Variants in ST6GAL1 observed in about 807,000 individuals in gnomAD.
The protein encoded by ST6GAL1 is ST6 beta-galactoside alpha-2,6-sialyltransferase 1.
In ST6GAL1, 20 loss-of-function variants were observed where a neutral mutation model predicts 38.0. That is an observed-to-expected ratio of 0.53 (90% CI 0.37 to 0.77). The LOEUF is 0.77. Among genes scored for constraint, ST6GAL1 ranks in the 30% least tolerant of loss-of-function variants. The pLI is 0.00. For synonymous variants in ST6GAL1, 196 were observed against 188.2 expected (o/e 1.04, Z -0.34); for missense variants, 432 against 496.4 (o/e 0.87, Z 1.23).
At chr3:187,071,795 A>AG (rs1719388845) in intron 5 of ST6GAL1, among the ~76,000 whole-genome samples, 3 of 144,716 alleles carry the variant, frequency 2.1e-5, no homozygotes, top group African/African-American at 7.6e-5. Context: ...AAAAAAAAAA[A>AG]GAAAAAGAAA....
At chr3:187,000,993 G>A (rs946750431) in intron 2 of ST6GAL1, among the ~76,000 whole-genome samples, 3 of 152,218 alleles carry the variant, frequency 2.0e-5, no homozygotes, top group African/African-American at 7.2e-5. Context: ...ACTGACCAGA[G>A]TGTCAGGTGA....
chr3:187,008,910 T>G (rs1716869098), intron 2 of ST6GAL1, among the ~76,000 whole-genome samples: 1 of 152,190 alleles, frequency 6.6e-6, no homozygotes, highest in Admixed American at 6.5e-5. Context: ...ATTTAAATAT[T>G]CCTTTTTGTT....
chr3:187,048,309 T>C (rs9876699), intron 4 of ST6GAL1, among the ~76,000 whole-genome samples: 94,877 of 151,956 alleles, frequency 0.62, 30,211 homozygotes, highest in African/African-American at 0.74. Flanking sequence ...GTGTATGATC[T>C]GGTTCCTGCC....
chr3:186,948,226 C>T (rs1412637938), intron 1 of ST6GAL1, among the ~76,000 whole-genome samples: 3 of 152,172 alleles, frequency 2.0e-5, no homozygotes, highest in Admixed American at 6.5e-5. Flanking sequence ...GGAGCTGCCA[C>T]GCCGGCAGGC....
chr3:187,058,747 T>C (rs1487302935), intron 5 of ST6GAL1, among the ~76,000 whole-genome samples: 1 of 151,936 alleles, frequency 6.6e-6, no homozygotes. Flanking sequence ...GTTCAAGCGA[T>C]CCTCTTGCCT....
intron 1 of ST6GAL1, among the ~76,000 whole-genome samples, chr3:186,938,642 G>A (rs369905328): frequency 9.2e-5 from 14 of 152,224 alleles, no homozygotes; most frequent in African/African-American, 3.4e-4. Flanking sequence ...CAAGTGACAA[G>A]TTGAGAGAGA....
chr3:187,041,249 A>C (rs1718115003), intron 3 of ST6GAL1, among the ~76,000 whole-genome samples: 1 of 152,212 alleles, frequency 6.6e-6, no homozygotes. Context: ...GGTCACCAAG[A>C]ATGGGGATAA....
chr3:186,934,928 G>C (rs60529826), intron 1 of ST6GAL1, among the ~76,000 whole-genome samples: 1 of 151,820 alleles, frequency 6.6e-6, no homozygotes, highest in Non-Finnish European at 1.5e-5. Flanking sequence ...CACCACGCCC[G>C]GCTAATTTTT....
At chr3:186,957,946 G>A (rs1369591163) in intron 1 of ST6GAL1, among the ~76,000 whole-genome samples, 1 of 151,720 alleles carries the variant, frequency 6.6e-6, no homozygotes, top group African/African-American at 2.4e-5. Context: ...TCCAAAACTA[G>A]ACAGTAAACT....
chr3:187,023,817 T>A (rs1717417299), intron 2 of ST6GAL1, among the ~76,000 whole-genome samples: 2 of 151,236 alleles, frequency 1.3e-5, no homozygotes, highest in South Asian at 4.2e-4. Context: ...CACACCAACA[T>A]GGCACATGTA....
In ST6GAL1 at chr3:187,078,161, GT is replaced by G. The variant is rs1180153188; in HGVS notation, c.*2363del. 1 of 152,532 alleles carries G rather than the reference GT, an allele frequency of 6.6e-6. No homozygotes were observed. Among genetic ancestry groups the G allele is most frequent in the East Asian group, 1.9e-4 (1 of 5,196 alleles). 9.4% of individuals were successfully genotyped at this position (152,532 alleles called of 1,614,324 possible). A position where few individuals can be genotyped will look rare whatever the true frequency, so the allele number is the denominator to read the frequency against. On this transcript the variant is annotated 3_prime_UTR_variant, in exon 8 of 8. Transcript: ENST00000169298. ...CTGGGACGACACTGGGTAGAATCTAGTTTTTAATTATTATTAATATAAAGGA... is the reference window on the plus strand; with the variant it reads ...CTGGGACGACACTGGGTAGAATCTAGTTTTAATTATTATTAATATAAAGGA...
intron 5 of ST6GAL1, among the ~76,000 whole-genome samples, chr3:187,057,459 T>G (rs1718746916): frequency 6.6e-6 from 1 of 152,192 alleles, no homozygotes; most frequent in South Asian, 2.1e-4. Flanking sequence ...CCTTTGGTTT[T>G]TGATGATGGT....
chr3:186,984,978 G>A (rs933123470), intron 2 of ST6GAL1, among the ~76,000 whole-genome samples: 4 of 151,096 alleles, frequency 2.6e-5, no homozygotes, highest in African/African-American at 7.3e-5. Flanking sequence ...GCACGTTCTC[G>A]GCTCACTGCA....
intron 5 of ST6GAL1, among the ~76,000 whole-genome samples, chr3:187,055,563 C>A (rs1356224637): frequency 6.6e-6 from 1 of 151,978 alleles, no homozygotes; most frequent in Non-Finnish European, 1.5e-5. Context: ...TTCGTTATGT[C>A]CCCAGTAGTC....
At chr3:186,976,366 T>G (rs1278134721) in intron 2 of ST6GAL1, among the ~76,000 whole-genome samples, 1 of 152,234 alleles carries the variant, frequency 6.6e-6, no homozygotes, top group Non-Finnish European at 1.5e-5. Flanking sequence ...TGAAGTCCAT[T>G]TACTGAGTGC....
intron 2 of ST6GAL1, among the ~76,000 whole-genome samples, chr3:186,993,698 G>A (rs1048748767): frequency 6.6e-5 from 10 of 151,962 alleles, no homozygotes; most frequent in African/African-American, 2.4e-4. Context: ...AAAGAAAAGG[G>A]TGGGCCTGGG....
chr3:187,041,621 G>A (rs560746328), intron 3 of ST6GAL1, among the ~76,000 whole-genome samples: 36 of 152,308 alleles, frequency 2.4e-4, no homozygotes, highest in African/African-American at 8.2e-4. Flanking sequence ...GTACTGGAAA[G>A]GACATGGGTT....
intron 1 of ST6GAL1, among the ~76,000 whole-genome samples, chr3:186,955,290 C>T (rs2108522923): frequency 6.6e-6 from 1 of 152,174 alleles, no homozygotes; most frequent in Middle Eastern, 3.4e-3. Context: ...GTTCTTTTTG[C>T]TTAGGATTGT....
chr3:186,978,905 GCTCTGCTTGGTGAACTCCTGTTCAAA>G (rs1172321455), intron 2 of ST6GAL1, among the ~76,000 whole-genome samples: 1 of 151,648 alleles, frequency 6.6e-6, no homozygotes, highest in Non-Finnish European at 1.5e-5. Flanking sequence ...GGCATGCCTT[GCTCTGCTTGGTGAACTCCTGTTCAAA>G]CTTCAAAACC....
Sources: gnomAD v4.1 joint callset for allele counts (sites outside exome capture counted in the v4.1 genomes callset) on GRCh38, gnomAD v4.1.1 for gene constraint, MANE v1.5 for transcripts, NCBI Gene and HGNC (gene_info 2026-07-23, HGNC 2026-07-21) for gene names.